Variants in EIF3I observed in about 807,000 individuals in gnomAD.
EIF3I encodes TGF-beta receptor-interacting protein 1.
A neutral mutation model predicts 43.3 loss-of-function variants in EIF3I; 20 were observed. That is an observed-to-expected ratio of 0.46 (90% CI 0.32 to 0.67). The LOEUF (loss-of-function observed/expected upper bound fraction) is 0.67, where lower values mean the gene tolerates loss of function less well. Ranked by LOEUF, EIF3I falls within the 30% of genes least tolerant of loss-of-function variation. The pLI is 0.03. For synonymous variants in EIF3I, 167 were observed against 151.7 expected (o/e 1.10, Z -0.74); for missense variants, 279 against 421.4 (o/e 0.66, Z 2.96).
chr1:32,226,342 G>A (rs764932109), intron 5 of EIF3I, 22 bp downstream of exon 5: 4 of 1,613,912 alleles, frequency 2.5e-6, no homozygotes, highest in South Asian at 1.1e-5. Context: ...GAATAGGGCT[G>A]GGGTTGAGGT....
intron 4 of EIF3I, among the ~76,000 whole-genome samples, chr1:32,225,525 C>T (rs1052716065): frequency 4.1e-5 from 6 of 146,030 alleles, no homozygotes; most frequent in African/African-American, 7.6e-5. Flanking sequence ...GGTGGATCAC[C>T]TGAGGTCAGG....
downstream of EIF3I, chr1:32,231,560 C>CT (rs1351898698): frequency 5.1e-5 from 10 of 195,134 alleles, no homozygotes; most frequent in South Asian, 4.4e-4. Flanking sequence ...GTTTTGAACT[C>CT]TAAGAAATAA....
chr1:32,226,808 AG>A (rs1235022972), intron 6 of EIF3I, among the ~76,000 whole-genome samples: 1 of 134,116 alleles, frequency 7.5e-6, no homozygotes, highest in Non-Finnish European at 1.6e-5. Flanking sequence ...GACCTCAGGC[AG>A]TCCACCGCTC....
exon 9 of EIF3I, chr1:32,229,146 C>T (rs1280403370): frequency 2.2e-5 from 35 of 1,613,782 alleles, no homozygotes; most frequent in East Asian, 1.8e-4. Flanking sequence ...TGGTCCTGGG[C>T]GGTGGTCAGG....
intron 6 of EIF3I, among the ~76,000 whole-genome samples, chr1:32,227,961 TAG>T (rs1292591746): frequency 5.3e-5 from 8 of 152,168 alleles, no homozygotes; most frequent in African/African-American, 1.9e-4. Context: ...TGTGCCACCA[TAG>T]AGGTCTCAGC....
chr1:32,226,592 A>G, intron 6 of EIF3I, 62 bp downstream of exon 6: 13 of 1,386,784 alleles, frequency 9.4e-6, no homozygotes, highest in Non-Finnish European at 1.2e-5. Flanking sequence ...TTTAAGATAG[A>G]GTCTCTCTCT....
intron 10 of EIF3I, among the ~76,000 whole-genome samples, 164 bp from the exon 10 acceptor site, chr1:32,230,763 C>T (rs1639222890): frequency 6.6e-6 from 1 of 151,984 alleles, no homozygotes; most frequent in South Asian, 2.1e-4. Flanking sequence ...GGGGGAGGTT[C>T]CAGTGAACCG....
downstream of EIF3I, among the ~76,000 whole-genome samples, chr1:32,235,912 T>C (rs1329403630): frequency 6.6e-6 from 1 of 152,244 alleles, no homozygotes; most frequent in African/African-American, 2.4e-5. Context: ...GGTGACCTCC[T>C]GCCAGAAAAT....
At chr1:32,231,059 G>T (rs1456897598) in intron 11 of EIF3I, 40 bp downstream of exon 10, 1 of 1,613,684 alleles carries the variant, frequency 6.2e-7, no homozygotes, top group South Asian at 1.1e-5. Context: ...GCCTGGGTTG[G>T]GTCTCTGCCT....
rs1421589476 is a variant in EIF3I at position 32,223,992 on chromosome 1, T to A, written c.97-42T>A. ...CTGGGGCAAAATAGGAAGCCATTGC[T>A]CTTACTGGGATGTGTACTATCCTGT... On this transcript the variant is annotated intron_variant, in intron 2 of 11. Coordinates refer to ENST00000676679, the Ensembl canonical transcript of EIF3I. The A allele has an allele frequency of 1.9e-6, 3 of 1,594,784 alleles. No individual in the cohort carries two copies. The African/African-American group carries it at 4.0e-5, about 21-fold the overall frequency.
At chr1:32,229,008 A>T (rs1639192185) in intron 8 of EIF3I, 127 bp from the exon 9 acceptor site, 2 of 1,161,726 alleles carry the variant, frequency 1.7e-6, no homozygotes, top group Admixed American at 4.4e-5. Context: ...GAAGTGTCTG[A>T]TCATCCCCTA....
Position 32,224,130 on chromosome 1 carries a change from A to T in EIF3I, c.184+9A>T. Reference sequence around the variant, plus strand: ...GTGTGTGGACGCTGACTGTATCCTTATTTTGGGTCTGAGTCCGTGTTGCTA... The same window carrying T: ...GTGTGTGGACGCTGACTGTATCCTTTTTTTGGGTCTGAGTCCGTGTTGCTA... On this transcript the variant is annotated intron_variant, in intron 3 of 11. Transcript: ENST00000676679. 6.2e-7 allele frequency: 1 copy of T among 1,613,874 alleles called. No homozygotes were observed. Among genetic ancestry groups the T allele is most frequent in the Non-Finnish European group, 8.5e-7 (1 of 1,179,914 alleles).
intron 6 of EIF3I, among the ~76,000 whole-genome samples, chr1:32,226,916 T>C (rs1181366760): frequency 7.6e-6 from 1 of 132,034 alleles, no homozygotes; most frequent in Non-Finnish European, 1.6e-5. Context: ...CACTGCAACC[T>C]CCACCTCCTG....
intron 3 of EIF3I, 51 bp from the exon 4 acceptor site, chr1:32,224,359 A>G: frequency 6.6e-7 from 1 of 1,522,730 alleles, no homozygotes; most frequent in Non-Finnish European, 9.1e-7. Context: ...TGGCATCCCA[A>G]GAGGACAAGG....
downstream of EIF3I, among the ~76,000 whole-genome samples, chr1:32,232,667 G>A (rs1206973401): frequency 6.6e-6 from 1 of 152,228 alleles, no homozygotes; most frequent in Non-Finnish European, 1.5e-5. Context: ...CCAGATGGAA[G>A]AGACCAGTGT....
chr1:32,235,841 A>G (rs911331857), downstream of EIF3I, among the ~76,000 whole-genome samples: 1 of 152,216 alleles, frequency 6.6e-6, no homozygotes, highest in Non-Finnish European at 1.5e-5. Context: ...AGAAAAACAC[A>G]GTTCTCTTGG....
At chr1:32,231,508 A>C (rs1425009471), downstream of EIF3I, 1 of 245,156 alleles carries the variant, frequency 4.1e-6, no homozygotes, top group Non-Finnish European at 7.9e-6. Context: ...AAAAAAGAAG[A>C]AGGTGGATCT....
chr1:32,228,486 C>A lies in EIF3I; in HGVS notation c.529-13C>A. The A allele has an allele frequency of 6.2e-7, 1 of 1,611,822 alleles. No homozygotes were observed. On this transcript the variant is annotated splice_polypyrimidine_tract_variant and intron_variant, in intron 6 of 11. Transcript: ENST00000676679. ...ATTGGGCCCATTCAGTGTCACTCTTCTTCCTTCCCTAGTCTGGAGAGGTGT... is the reference window on the plus strand; with the variant it reads ...ATTGGGCCCATTCAGTGTCACTCTTATTCCTTCCCTAGTCTGGAGAGGTGT...
chr1:32,225,660 G>C (rs1639131542), intron 4 of EIF3I, among the ~76,000 whole-genome samples: 1 of 149,486 alleles, frequency 6.7e-6, no homozygotes, highest in Non-Finnish European at 1.5e-5. Context: ...AGAATCGCTT[G>C]AAAGGTTGCA....
Sources: allele counts gnomAD v4.1 joint callset (sites outside exome capture counted in the v4.1 genomes callset), GRCh38; gene constraint gnomAD v4.1.1; transcripts MANE v1.5; gene names NCBI Gene and HGNC (gene_info 2026-07-23, HGNC 2026-07-21).